The following ATG7 variants were observed in gnomAD, a reference collection of about 807,000 sequenced individuals.
ATG7 encodes ubiquitin-like modifier-activating enzyme ATG7.
ATG7 carries 70 observed loss-of-function variants against 82.4 expected under a neutral mutation model. The observed-to-expected ratio is 0.85, with a 90% CI of 0.70 to 1.04. The LOEUF (loss-of-function observed/expected upper bound fraction) is 1.04, where lower values mean the gene tolerates loss of function less well. ATG7 is among the 50% of genes least tolerant of loss of function. The pLI is 0.00. For missense variants in ATG7, 792 were observed against 864.3 expected, an observed-to-expected ratio of 0.92 and a Z score of 1.05; for synonymous variants, 287 against 313.0, an observed-to-expected ratio of 0.92 and a Z score of 0.88.
chr3:11,531,075 C>T (rs954805041), intron 20 of ATG7, among the ~76,000 whole-genome samples: 2 of 152,152 alleles, frequency 1.3e-5, no homozygotes, highest in South Asian at 2.1e-4. Context: ...GTCGGCAGAG[C>T]GGGCTTCTTG....
chr3:11,447,249 A>G (rs1282852754), intron 20 of ATG7, among the ~76,000 whole-genome samples: 1 of 152,150 alleles, frequency 6.6e-6, no homozygotes, highest in East Asian at 1.9e-4. Flanking sequence ...GTGGATCATG[A>G]GGTCAGGAAT....
chr3:11,477,568 T>G (rs1374411127), intron 20 of ATG7, among the ~76,000 whole-genome samples: 1 of 152,228 alleles, frequency 6.6e-6, no homozygotes, highest in Non-Finnish European at 1.5e-5. Flanking sequence ...GGAAAGCTTT[T>G]TAGTCACTAT....
At chr3:11,443,814 T>TGGA (rs2084238210) in intron 20 of ATG7, among the ~76,000 whole-genome samples, 1 of 152,202 alleles carries the variant, frequency 6.6e-6, no homozygotes, top group Non-Finnish European at 1.5e-5. Context: ...TCTTATATTT[T>TGGA]AATATTTCCA....
intron 14 of ATG7, among the ~76,000 whole-genome samples, chr3:11,349,087 C>T (rs1311209976): frequency 6.6e-6 from 1 of 151,446 alleles, no homozygotes; most frequent in African/African-American, 2.4e-5. Context: ...TTACAGTCCT[C>T]TAGCTAGACA....
At chr3:11,468,834 T>C (rs150767047) in intron 20 of ATG7, among the ~76,000 whole-genome samples, 476 of 152,308 alleles carry the variant, frequency 3.1e-3, no homozygotes, top group Non-Finnish European at 5.3e-3. Context: ...GATACCATCT[T>C]TGGTCTAAAA....
chr3:11,273,592 A>G (rs545684224), intron 1 of ATG7, among the ~76,000 whole-genome samples: 2 of 152,340 alleles, frequency 1.3e-5, no homozygotes, highest in Admixed American at 6.5e-5. Context: ...ATGTTTTGTT[A>G]TATCCCCAGC....
intron 19 of ATG7, among the ~76,000 whole-genome samples, chr3:11,389,930 G>A (rs546884294): frequency 4.6e-5 from 7 of 152,318 alleles, no homozygotes; most frequent in Admixed American, 3.3e-4. Flanking sequence ...TGTTATGTGC[G>A]AAGGCCTGGG....
intron 20 of ATG7, among the ~76,000 whole-genome samples, chr3:11,501,485 T>C (rs1479416100): frequency 6.6e-6 from 1 of 152,220 alleles, no homozygotes; most frequent in Non-Finnish European, 1.5e-5. Flanking sequence ...GTAAAGTTCA[T>C]TTTTGAAACA....
At chr3:11,408,880 T>C (rs2080618687) in intron 19 of ATG7, among the ~76,000 whole-genome samples, 1 of 152,208 alleles carries the variant, frequency 6.6e-6, no homozygotes, top group Admixed American at 6.5e-5. Context: ...CCCAAAATGC[T>C]GGGATTACAG....
rs1575331346 is a variant in ATG7 at position 11,557,177 on chromosome 3, C to T, written c.*2334C>T. On this transcript the variant is annotated 3_prime_UTR_variant, in exon 21 of 21. Coordinates refer to ENST00000693202, the MANE Select transcript of ATG7 (RefSeq NM_001349232.2). ...GACCAAAAAGGAGCAGCTGTGACCT[C>T]CACAGCTGTGTCTGTCATGCTTGCT... The T allele has an allele frequency of 6.5e-6, 1 of 152,734 alleles. No homozygotes were observed. The highest frequency in any genetic ancestry group is 1.5e-5 in the Non-Finnish European group (1 of 68,038). The allele number at this position is 152,734 out of a possible 1,614,324, so 9.5% of individuals were successfully genotyped here. A position where few individuals can be genotyped will look rare whatever the true frequency, so the allele number is the denominator to read the frequency against.
intron 20 of ATG7, among the ~76,000 whole-genome samples, chr3:11,505,722 G>T (rs1243629920): frequency 6.6e-6 from 1 of 152,058 alleles, no homozygotes. Context: ...TAAACCCTAG[G>T]GCCAAAAAAA....
intron 18 of ATG7, 46 bp from the exon 19 acceptor site, chr3:11,379,926 G>T (rs1301938353): frequency 7.6e-6 from 12 of 1,570,708 alleles, no homozygotes; most frequent in Non-Finnish European, 1.1e-5. Context: ...CATAGATGTG[G>T]TCGTTGTGTG....
chr3:11,460,936 C>T (rs905615258), intron 20 of ATG7, among the ~76,000 whole-genome samples: 3 of 152,206 alleles, frequency 2.0e-5, no homozygotes, highest in Non-Finnish European at 2.9e-5. Flanking sequence ...GTATGACCAA[C>T]ATCCTCAATA....
chr3:11,374,300 C>T (rs1251194600), intron 18 of ATG7, among the ~76,000 whole-genome samples: 1 of 152,042 alleles, frequency 6.6e-6, no homozygotes, highest in African/African-American at 2.4e-5. Flanking sequence ...AAAAATAAAC[C>T]CTTAATGGCC....
At chr3:11,360,208 G>A (rs2076200892) in intron 15 of ATG7, among the ~76,000 whole-genome samples, 1 of 152,124 alleles carries the variant, frequency 6.6e-6, no homozygotes, top group Non-Finnish European at 1.5e-5. Context: ...ATCATGCTCG[G>A]CTAATTTTTT....
At chr3:11,539,761 A>G (rs569758324) in intron 20 of ATG7, among the ~76,000 whole-genome samples, 42 of 152,386 alleles carry the variant, frequency 2.8e-4, no homozygotes, top group African/African-American at 1.0e-3. Context: ...AAATATATGT[A>G]AAAGTGCACA....
chr3:11,464,551 A>G (rs1179152930), intron 20 of ATG7, among the ~76,000 whole-genome samples: 1 of 152,196 alleles, frequency 6.6e-6, no homozygotes, highest in Non-Finnish European at 1.5e-5. Flanking sequence ...CCACCAGCTG[A>G]GGCCTGGGCT....
chr3:11,457,085 A>G (rs1188990774), intron 20 of ATG7, among the ~76,000 whole-genome samples: 1 of 152,240 alleles, frequency 6.6e-6, no homozygotes, highest in Non-Finnish European at 1.5e-5. Flanking sequence ...AGGACACAGT[A>G]GAAGCCGTTA....
intron 19 of ATG7, among the ~76,000 whole-genome samples, chr3:11,412,453 T>G (rs1207960440): frequency 6.6e-6 from 1 of 152,136 alleles, no homozygotes; most frequent in Non-Finnish European, 1.5e-5. Context: ...TTGTCAAAAA[T>G]TGAGACTGTA....
Sources: gnomAD v4.1 joint callset for allele counts (sites outside exome capture counted in the v4.1 genomes callset) on GRCh38, gnomAD v4.1.1 for gene constraint, MANE v1.5 for transcripts, NCBI Gene and HGNC (gene_info 2026-07-23, HGNC 2026-07-21) for gene names.